PABIR3: variants seen among roughly 807,000 people sequenced by gnomAD.
PABIR3 encodes PABIR family member 3.
Under a neutral mutation model 23.1 loss-of-function variants are expected in PABIR3, and 20 were observed. The observed-to-expected ratio is 0.86, with a 90% CI of 0.61 to 1.26. The LOEUF is 1.26. PABIR3 is among the 50% of genes most tolerant of loss of function. The pLI, the probability that PABIR3 is intolerant of heterozygous loss-of-function variation, is 0.00. For missense variants in PABIR3, 189 were observed against 195.4 expected, an observed-to-expected ratio of 0.97 and a Z score of 0.20; for synonymous variants, 69 against 68.5, an observed-to-expected ratio of 1.01 and a Z score of -0.04.
In PABIR3 at chrX:134,847,948, C is replaced by G; in HGVS notation, c.504C>G (p.Pro168=). 1 of 1,151,726 alleles carries G rather than the reference C, an allele frequency of 8.7e-7. No individual in the cohort carries two copies. The highest frequency in any genetic ancestry group is 1.2e-6 in the Non-Finnish European group (1 of 869,416). 94.9% of individuals were successfully genotyped at this position (1,151,726 alleles called of 1,213,427 possible). Residue 168 remains proline (P), a synonymous_variant, in exon 8 of 11, where the codon CCC becomes CCG. Coordinates refer to ENST00000645433, the MANE Select transcript of PABIR3 (RefSeq NM_001388447.1). ...SCTGSPSSPI[P]SPMQQYIIRS... ...CTGGTTCGCCTTCAAGTCCTATTCC[C>G]AGTCCTATGCAACAATACATCATGT...
chrX:134,845,944 A>G (rs1413918019), intron 6 of PABIR3, among the ~76,000 whole-genome samples: 1 of 111,132 alleles, frequency 9.0e-6, no homozygotes, highest in East Asian at 2.8e-4. Context: ...CAGACAATAG[A>G]CTCTCTAGAA....
intron 4 of PABIR3, among the ~76,000 whole-genome samples, chrX:134,837,624 C>G (rs954648335): frequency 1.8e-5 from 2 of 111,909 alleles, no homozygotes; most frequent in African/African-American, 6.5e-5. Context: ...GGCTGTTGAC[C>G]TTTTATACTT....
intron 6 of PABIR3, among the ~76,000 whole-genome samples, chrX:134,846,276 C>T (rs1014725878): frequency 1.8e-5 from 2 of 111,981 alleles, no homozygotes; most frequent in African/African-American, 3.2e-5. Flanking sequence ...TTCCACAACA[C>T]GTGGGGATTA....
rs928716222 is a variant in PABIR3 at position 134,817,506 on chromosome X, G to A, written c.189+2657G>A. Among the ~76,000 whole-genome samples, 4 of 104,361 alleles carry A rather than the reference G, an allele frequency of 3.8e-5. No homozygotes were observed. The Admixed American group carries it at 4.4e-4, about 11-fold the overall frequency. The allele number at this position is 104,361 out of a possible 115,157, so 90.6% of individuals were successfully genotyped here. ...GGTTGATCTAACTGAGTTTGGGGAG[G>A]AGATAACATCTTAGTTGAGATCTTA... On this transcript the variant is annotated intron_variant, in intron 3 of 10. Transcript: ENST00000645433.
chrX:134,843,749 A>G (rs1283574524), intron 4 of PABIR3, among the ~76,000 whole-genome samples: 1 of 106,241 alleles, frequency 9.4e-6, no homozygotes, highest in Non-Finnish European at 1.9e-5. Context: ...TTGTACTTTT[A>G]GTAGAGACGG....
chrX:134,814,757 GT>G lies in PABIR3; in HGVS notation c.111-9del. The G allele has an allele frequency of 1.0e-6, 1 of 972,159 alleles. No homozygotes were observed. Among genetic ancestry groups the G allele is most frequent in the Non-Finnish European group, 1.4e-6 (1 of 706,933 alleles). 80.1% of individuals were successfully genotyped at this position (972,159 alleles called of 1,213,427 possible). A position where few individuals can be genotyped will look rare whatever the true frequency, so the allele number is the denominator to read the frequency against. On this transcript the variant is annotated splice_polypyrimidine_tract_variant and intron_variant, in intron 2 of 10. Transcript: ENST00000645433. ...TGGATTTTATATAACACATGTTTTTGTTTTTCTTTTTAGTTTTAATTCACAG... is the reference window on the plus strand; with the variant it reads ...TGGATTTTATATAACACATGTTTTTGTTTTCTTTTTAGTTTTAATTCACAG...
intron 4 of PABIR3, among the ~76,000 whole-genome samples, chrX:134,840,230 G>C (rs1052355475): frequency 9.0e-6 from 1 of 110,896 alleles, no homozygotes; most frequent in African/African-American, 3.3e-5. Context: ...GCGGAAGGCC[G>C]CAGGGTCCTC....
intron 3 of PABIR3, among the ~76,000 whole-genome samples, chrX:134,817,956 A>G (rs1036301591): frequency 9.0e-6 from 1 of 111,495 alleles, no homozygotes; most frequent in Non-Finnish European, 1.9e-5. Context: ...AGCTGATGGT[A>G]GCTTGGACTA....
upstream of PABIR3, among the ~76,000 whole-genome samples, chrX:134,806,713 T>G (rs951432223): frequency 2.7e-5 from 3 of 110,303 alleles, no homozygotes; most frequent in Non-Finnish European, 5.7e-5. Flanking sequence ...ATGAGCTCAG[T>G]TAGGTTAGCA....
chrX:134,831,151 C>T (rs1459986233), intron 4 of PABIR3, among the ~76,000 whole-genome samples: 1 of 109,738 alleles, frequency 9.1e-6, no homozygotes, highest in Non-Finnish European at 1.9e-5. Context: ...ACTACAACCT[C>T]CACCTCCTGG....
intron 3 of PABIR3, among the ~76,000 whole-genome samples, chrX:134,825,015 T>TA (rs2081443225): frequency 9.0e-6 from 1 of 111,177 alleles, no homozygotes; most frequent in Admixed American, 9.6e-5. Flanking sequence ...TCATTGGTTG[T>TA]AAAAAATGCA....
intron 9 of PABIR3, 94 bp from the exon 10 acceptor site, chrX:134,852,706 A>G: frequency 2.1e-6 from 1 of 466,427 alleles, no homozygotes; most frequent in Non-Finnish European, 3.3e-6. Flanking sequence ...GTATTTTATA[A>G]ATTAATTGCA....
At chrX:134,804,203 A>G, upstream of PABIR3, 4 of 1,151,705 alleles carry the variant, frequency 3.5e-6, no homozygotes, top group Non-Finnish European at 3.5e-6. Flanking sequence ...AGATCATGGC[A>G]TATTTCCCTG....
intron 3 of PABIR3, among the ~76,000 whole-genome samples, chrX:134,817,297 G>T (rs1358206556): frequency 9.0e-6 from 1 of 111,254 alleles, no homozygotes; most frequent in African/African-American, 3.3e-5. Flanking sequence ...TATAGTGGGA[G>T]AAATTATAAC....
intron 7 of PABIR3, 128 bp downstream of exon 7, chrX:134,847,603 C>A: frequency 2.0e-6 from 1 of 496,557 alleles, no homozygotes. Flanking sequence ...TTCTAACTAA[C>A]ATTTTTCCCT....
chrX:134,832,162 C>T (rs1235980532), intron 4 of PABIR3, among the ~76,000 whole-genome samples: 3 of 109,247 alleles, frequency 2.7e-5, no homozygotes, highest in Non-Finnish European at 5.7e-5. Flanking sequence ...GTAATCTCAG[C>T]TACTCAGGAG....
intron 4 of PABIR3, chrX:134,839,686 G>A: frequency 8.8e-6 from 1 of 114,013 alleles, no homozygotes; most frequent in Non-Finnish European, 1.8e-5. Flanking sequence ...CAGGAGGGAG[G>A]TGGGGGGGTC....
intron 2 of PABIR3, chrX:134,809,515 A>C: frequency 1.3e-6 from 1 of 752,432 alleles, no homozygotes; most frequent in Non-Finnish European, 1.6e-6. Flanking sequence ...TGGATTTCAC[A>C]TTTCAGTATT....
intron 4 of PABIR3, among the ~76,000 whole-genome samples, chrX:134,837,318 C>G (rs2082004884): frequency 9.1e-6 from 1 of 110,384 alleles, no homozygotes; most frequent in Admixed American, 9.7e-5. Context: ...TGCACTCACT[C>G]CAGCTGGTGT....
Sources: allele counts gnomAD v4.1 joint callset (sites outside exome capture counted in the v4.1 genomes callset), GRCh38; gene constraint gnomAD v4.1.1; transcripts MANE v1.5; gene names NCBI Gene and HGNC (gene_info 2026-07-23, HGNC 2026-07-21).